The following LRRC7 variants were observed in gnomAD, a reference collection of about 807,000 sequenced individuals.
The protein encoded by LRRC7 is leucine-rich repeat-containing protein 7.
A neutral mutation model predicts 175.7 loss-of-function variants in LRRC7; 23 were observed. That is an observed-to-expected ratio of 0.13 (90% confidence interval 0.09 to 0.19). The LOEUF (loss-of-function observed/expected upper bound fraction) is 0.19. LRRC7 is among the 10% of genes least tolerant of loss of function. The pLI, the probability that LRRC7 is intolerant of heterozygous loss-of-function variation, is 1.00. For missense variants in LRRC7, 1,354 were observed against 1,904.7 expected, an observed-to-expected ratio of 0.71 and a Z score of 5.38; for synonymous variants, 685 against 680.9, an observed-to-expected ratio of 1.01 and a Z score of -0.09.
intron 7 of LRRC7, among the ~76,000 whole-genome samples, chr1:69,924,757 T>G (rs561191035): frequency 6.6e-6 from 1 of 152,342 alleles, no homozygotes; most frequent in African/African-American, 2.4e-5. Flanking sequence ...AGGGACAATT[T>G]GACTTCCTCT....
At chr1:69,760,036 A>G in intron 2 of LRRC7, 155 bp from the exon 3 acceptor site, 2 of 756,400 alleles carry the variant, frequency 2.6e-6, no homozygotes, top group South Asian at 4.1e-5. Flanking sequence ...AGGGCTGTTT[A>G]AGGATTTAAT....
chr1:69,755,075 C>CAGGG (rs1450132203), intron 2 of LRRC7, among the ~76,000 whole-genome samples: 1 of 151,926 alleles, frequency 6.6e-6, no homozygotes, highest in African/African-American at 2.4e-5. Context: ...GAGTTGATGT[C>CAGGG]AGGGACGCCA....
intron 13 of LRRC7, among the ~76,000 whole-genome samples, chr1:70,013,460 T>C (rs1011989230): frequency 6.6e-6 from 1 of 151,914 alleles, no homozygotes; most frequent in African/African-American, 2.4e-5. Flanking sequence ...ATGCACACAT[T>C]TGTGTTTTCA....
chr1:69,648,030 G>T (rs909960905), intron 1 of LRRC7, among the ~76,000 whole-genome samples: 63 of 151,728 alleles, frequency 4.2e-4, no homozygotes, highest in African/African-American at 1.5e-3. Context: ...CTTTTTTTCA[G>T]ATTTATTTCT....
intron 1 of LRRC7, among the ~76,000 whole-genome samples, chr1:69,619,690 T>C (rs1292123173): frequency 6.6e-6 from 1 of 152,174 alleles, no homozygotes; most frequent in Non-Finnish European, 1.5e-5. Context: ...GCAAATGGGT[T>C]CAAGTGAAAA....
intron 7 of LRRC7, among the ~76,000 whole-genome samples, chr1:69,851,184 A>T (rs1682938064): frequency 6.6e-6 from 1 of 152,176 alleles, no homozygotes; most frequent in African/African-American, 2.4e-5. Context: ...GATACAGGTC[A>T]TTGAGAGGAG....
rs746563878 is a variant in LRRC7, at chr1:70,039,145, T to C, written c.3321T>C (p.Asp1107=). The C allele has an allele frequency of 5.0e-6, 8 of 1,613,854 alleles. No homozygotes were observed. The highest frequency in any genetic ancestry group is 6.8e-6 in the Non-Finnish European group (8 of 1,180,006). Residue 1107 remains aspartate, a synonymous_variant, in exon 21 of 27, where the codon GAT becomes GAC. Coordinates refer to ENST00000651989, the MANE Select transcript of LRRC7 (RefSeq NM_001370785.2). ...VQQASKNIAK[D]LISPRAYRGY... ...AGGCCAGCAAAAACATCGCCAAGGA[T>C]TTGATTAGTCCTAGAGCTTACAGAG...
At chr1:70,074,938 G>A (rs1490159894) in intron 23 of LRRC7, among the ~76,000 whole-genome samples, 1 of 151,706 alleles carries the variant, frequency 6.6e-6, no homozygotes, top group Non-Finnish European at 1.5e-5. Flanking sequence ...CCAACCTAAC[G>A]TTTTCATAGT....
At chr1:69,846,181 C>T (rs569422584) in intron 7 of LRRC7, among the ~76,000 whole-genome samples, 3 of 152,200 alleles carry the variant, frequency 2.0e-5, no homozygotes, top group East Asian at 3.9e-4. Flanking sequence ...ATTAGAGTCA[C>T]TTCTAAAATA....
intron 1 of LRRC7, among the ~76,000 whole-genome samples, chr1:69,669,913 C>G (rs546668601): frequency 1.1e-4 from 16 of 152,074 alleles, no homozygotes; most frequent in Non-Finnish European, 2.1e-4. Context: ...TCCAGAATTT[C>G]TGCTTGATTC....
intron 3 of LRRC7, among the ~76,000 whole-genome samples, chr1:69,766,603 G>C (rs1671646336): frequency 6.6e-6 from 1 of 152,080 alleles, no homozygotes; most frequent in East Asian, 1.9e-4. Flanking sequence ...TCATTTCCTG[G>C]AGGCACGTTG....
rs1006825943 is a variant in LRRC7 at position 70,142,174 on chromosome 1, ATTT to A, written c.*20290_*20292del. On this transcript the variant is annotated 3_prime_UTR_variant, in exon 27 of 27. Transcript: ENST00000651989. The stretch of plus-strand genomic sequence containing the variant: ...ATTTTCAGAATATATTGTTGAAATA[ATTT>A]TTATTTTCAATACTTGTAGTCTTTC... 6.6e-6 allele frequency: 1 copy of A among 152,086 alleles called. No individual in the cohort carries two copies. The highest frequency in any genetic ancestry group is 2.4e-5 in the African/African-American group (1 of 41,460). The allele number at this position is 152,086 out of a possible 1,614,324, so 9.4% of individuals were successfully genotyped here.
chr1:69,951,119 G>T (rs1649872114), intron 8 of LRRC7, among the ~76,000 whole-genome samples: 1 of 149,280 alleles, frequency 6.7e-6, no homozygotes, highest in African/African-American at 2.5e-5. Flanking sequence ...ATTAAAAAGA[G>T]AACAAAGGAC....
At chr1:69,623,764 A>G (rs1651036258) in intron 1 of LRRC7, among the ~76,000 whole-genome samples, 1 of 152,094 alleles carries the variant, frequency 6.6e-6, no homozygotes, top group South Asian at 2.1e-4. Context: ...TGGTCAGACT[A>G]GTCTTGAACT....
At chr1:69,638,214 C>G (rs938736441) in intron 1 of LRRC7, among the ~76,000 whole-genome samples, 3 of 151,770 alleles carry the variant, frequency 2.0e-5, no homozygotes, top group African/African-American at 7.2e-5. Context: ...CTCTCAGTAG[C>G]GTTTAACACT....
intron 13 of LRRC7, among the ~76,000 whole-genome samples, chr1:70,013,799 G>A (rs988637533): frequency 6.6e-6 from 1 of 151,960 alleles, no homozygotes; most frequent in Non-Finnish European, 1.5e-5. Flanking sequence ...TGAGCTCTAT[G>A]TTTTCAATAA....
At chr1:69,700,584 C>G (rs1663214008) in intron 2 of LRRC7, among the ~76,000 whole-genome samples, 1 of 152,114 alleles carries the variant, frequency 6.6e-6, no homozygotes, top group Middle Eastern at 3.2e-3. Context: ...GCTGGCTTCG[C>G]TATTTTATAG....
At chr1:69,754,034 G>A (rs1336235060) in intron 2 of LRRC7, among the ~76,000 whole-genome samples, 1 of 152,032 alleles carries the variant, frequency 6.6e-6, no homozygotes, top group East Asian at 1.9e-4. Flanking sequence ...AGTGTAAAGA[G>A]CACAGAAAGC....
At position 70,082,781 on chromosome 1, in the gene LRRC7, ATTTTT is replaced by A. The variant is rs1172403797; in HGVS notation, c.4452+6510_4452+6514del. Among the ~76,000 whole-genome samples the A allele has an allele frequency of 2.7e-3, 142 of 52,300 alleles. 14 individuals carry two copies. Among genetic ancestry groups the A allele is most frequent in the East Asian group, 9.9e-3 (14 of 1,408 alleles). The allele number at this position is 52,300 out of a possible 152,430, so 34.3% of individuals were successfully genotyped here. ...TATTAGTCAATCTTGATACCAGTAC[ATTTTT>A]TTTTTTTTTTTTTTTTTTTTTTTTT... is the stretch of plus-strand genomic sequence containing the variant. On this transcript the variant is annotated intron_variant, in intron 24 of 26. Transcript: ENST00000651989.
Sources: allele counts gnomAD v4.1 joint callset (sites outside exome capture counted in the v4.1 genomes callset), GRCh38; gene constraint gnomAD v4.1.1; transcripts MANE v1.5; gene names NCBI Gene and HGNC (gene_info 2026-07-23, HGNC 2026-07-21).